The following NSMCE2 variants were observed in gnomAD, a reference collection of about 807,000 sequenced individuals.
NSMCE2 encodes NSE2 SUMO ligase component of SMC5/6 complex, also known as E3 SUMO-protein ligase NSE2.
A neutral mutation model predicts 23.8 loss-of-function variants in NSMCE2; 24 were observed. That is an observed-to-expected ratio of 1.01 (90% CI 0.73 to 1.42). The LOEUF is 1.42. Among genes scored for constraint, NSMCE2 ranks in the 40% most tolerant of loss-of-function variants. The pLI is 0.00. For synonymous variants in NSMCE2, 92 were observed against 94.1 expected (o/e 0.98, Z 0.13); for missense variants, 284 against 296.5 (o/e 0.96, Z 0.31).
At chr8:125,358,263 G>A (rs1412251564) in intron 7 of NSMCE2, among the ~76,000 whole-genome samples, 1 of 151,740 alleles carries the variant, frequency 6.6e-6, no homozygotes, top group Admixed American at 6.6e-5. Flanking sequence ...AACCCAGGAG[G>A]CAGAGGTTGC....
At chr8:125,205,869 GATAATT>G (rs1233153866) in intron 5 of NSMCE2, among the ~76,000 whole-genome samples, 9 of 152,110 alleles carry the variant, frequency 5.9e-5, no homozygotes, top group African/African-American at 1.9e-4. Flanking sequence ...AATGATTTAA[GATAATT>G]ATAATCAATT....
intron 1 of NSMCE2, among the ~76,000 whole-genome samples, chr8:125,096,418 C>T (rs1345165405): frequency 6.6e-6 from 1 of 152,112 alleles, no homozygotes; most frequent in Non-Finnish European, 1.5e-5. Context: ...ATTGCATTTA[C>T]TATAAGGATA....
chr8:125,110,056 G>A (rs756700261), intron 3 of NSMCE2, among the ~76,000 whole-genome samples: 5 of 151,930 alleles, frequency 3.3e-5, no homozygotes, highest in East Asian at 1.9e-4. Context: ...TTTAGTAAGC[G>A]CTTTAGGTTT....
chr8:125,093,741 TAGAA>T (rs140242813), intron 1 of NSMCE2, among the ~76,000 whole-genome samples: 2,072 of 151,498 alleles, frequency 0.014, 39 homozygotes, highest in African/African-American at 0.048. Flanking sequence ...AATAAATAAA[TAGAA>T]AGAAAACTGA....
At chr8:125,098,666 G>T (rs1056939429) in intron 1 of NSMCE2, among the ~76,000 whole-genome samples, 3 of 152,036 alleles carry the variant, frequency 2.0e-5, no homozygotes, top group African/African-American at 7.3e-5. Flanking sequence ...AATTGATGTT[G>T]AGTTTGGTAT....
rs530058445 is a variant in NSMCE2 at position 125,182,148 on chromosome 8, G to T, written c.310G>T (p.Val104Leu). ...AAAAATACCAGATTTAAAATTATTG[G>T]TAGAGAAGAAATTTTTGGCTTTACA... ...PEKIPDLKLL[V>L]EKKFLALQSK... The change falls in exon 5 of 8, where the codon GTA (valine) becomes TTA (leucine). Residue 104 changes from valine to leucine, a missense_variant. Val to Leu is a conservative substitution (Grantham distance 32). Transcript: ENST00000287437. 2 of 1,603,906 alleles carry T rather than the reference G, an allele frequency of 1.2e-6. No homozygotes were observed. Among genetic ancestry groups the T allele is most frequent in the South Asian group, 2.3e-5 (2 of 88,706 alleles).
intron 4 of NSMCE2, among the ~76,000 whole-genome samples, chr8:125,165,841 A>G (rs1462518041): frequency 6.6e-6 from 1 of 152,224 alleles, no homozygotes; most frequent in Non-Finnish European, 1.5e-5. Flanking sequence ...AGAAGGCAAA[A>G]GGCAATTTGA....
At chr8:125,201,851 A>C (rs1037008379) in intron 5 of NSMCE2, among the ~76,000 whole-genome samples, 3 of 152,232 alleles carry the variant, frequency 2.0e-5, no homozygotes, top group Admixed American at 2.0e-4. Context: ...GGCTCCCCCA[A>C]GTTCAAGCTT....
intron 3 of NSMCE2, among the ~76,000 whole-genome samples, chr8:125,135,778 A>G (rs1367173008): frequency 6.6e-6 from 1 of 152,210 alleles, no homozygotes; most frequent in Non-Finnish European, 1.5e-5. Flanking sequence ...TTCCATCTTC[A>G]TGCCAATAGC....
At chr8:125,209,451 A>T (rs982811570) in intron 5 of NSMCE2, among the ~76,000 whole-genome samples, 47 of 152,160 alleles carry the variant, frequency 3.1e-4, no homozygotes, top group Non-Finnish European at 5.9e-4. Context: ...TTAGTTGCTT[A>T]TATTTAAACT....
At position 125,340,979 on chromosome 8, in the gene NSMCE2, C is replaced by G. The variant is rs768104428; in HGVS notation, c.419-16240C>G. On this transcript the variant is annotated intron_variant, in intron 5 of 7. Coordinates refer to ENST00000287437, the MANE Select transcript of NSMCE2 (RefSeq NM_173685.4). ...TTTTAGCCTGCCTCCTTTATTTGCT[C>G]CTGAATTCCCTGCTTACGTGTTCCC... Among the ~76,000 whole-genome samples, 35 of 152,172 alleles carry G rather than the reference C, an allele frequency of 2.3e-4. 1 individual carries two copies. The highest frequency in any genetic ancestry group is 1.3e-4 in the Non-Finnish European group (9 of 68,040).
At chr8:125,310,627 C>G (rs566194257) in intron 5 of NSMCE2, among the ~76,000 whole-genome samples, 1 of 152,174 alleles carries the variant, frequency 6.6e-6, no homozygotes, top group African/African-American at 2.4e-5. Flanking sequence ...CCTGCAAGTA[C>G]CTCATCCATT....
rs1829594849 is a variant in NSMCE2, at chr8:125,324,804, G to C, written c.419-32415G>C. Among the ~76,000 whole-genome samples, 2 of 64,240 alleles carry C rather than the reference G, an allele frequency of 3.1e-5. 1 individual carries two copies. 42.1% of individuals were successfully genotyped at this position (64,240 alleles called of 152,430 possible). Reference sequence around the variant, plus strand: ...TTAGACAGGATGGTCTCGATCTCCTGACCTCGTGATCCGCCCGCCTCGGCC... The same window carrying C: ...TTAGACAGGATGGTCTCGATCTCCTCACCTCGTGATCCGCCCGCCTCGGCC... On this transcript the variant is annotated intron_variant, in intron 5 of 7. Transcript: ENST00000287437.
chr8:125,306,028 T>C (rs897807525), intron 5 of NSMCE2, among the ~76,000 whole-genome samples: 11 of 152,200 alleles, frequency 7.2e-5, no homozygotes, highest in African/African-American at 2.4e-4. Context: ...GGTCATAGTA[T>C]TGAATAAGTT....
intron 5 of NSMCE2, among the ~76,000 whole-genome samples, chr8:125,298,183 C>T (rs921612367): frequency 1.3e-5 from 2 of 152,186 alleles, no homozygotes; most frequent in African/African-American, 4.8e-5. Flanking sequence ...TCGCTTGAAC[C>T]TAGAAGGCAG....
intron 5 of NSMCE2, among the ~76,000 whole-genome samples, chr8:125,195,593 G>GCATT (rs1362631662): frequency 6.6e-6 from 1 of 152,078 alleles, no homozygotes; most frequent in Non-Finnish European, 1.5e-5. Flanking sequence ...GTTGTACTTA[G>GCATT]CATTCATTCA....
chr8:125,302,882 T>C (rs1828618583), intron 5 of NSMCE2, among the ~76,000 whole-genome samples: 4 of 152,172 alleles, frequency 2.6e-5, no homozygotes, highest in Non-Finnish European at 4.4e-5. Context: ...AGGAAGTTGG[T>C]GCCTGTGCCT....
At chr8:125,324,449 TC>T (rs1219616764) in intron 5 of NSMCE2, among the ~76,000 whole-genome samples, 1 of 113,838 alleles carries the variant, frequency 8.8e-6, no homozygotes, top group Non-Finnish European at 1.6e-5. Flanking sequence ...GTATGTCATA[TC>T]CACAGAATAC....
chr8:125,342,484 A>G (rs936284463), intron 5 of NSMCE2, among the ~76,000 whole-genome samples: 16 of 151,634 alleles, frequency 1.1e-4, no homozygotes, highest in African/African-American at 3.9e-4. Context: ...TTTTAAAGGG[A>G]TGGAAAGTGG....
Sources: allele counts gnomAD v4.1 joint callset (sites outside exome capture counted in the v4.1 genomes callset), GRCh38; gene constraint gnomAD v4.1.1; transcripts MANE v1.5; gene names NCBI Gene and HGNC (gene_info 2026-07-23, HGNC 2026-07-21).